ZRANB3: variants seen among roughly 807,000 people sequenced by gnomAD.
The protein encoded by ZRANB3 is DNA annealing helicase and endonuclease ZRANB3.
ZRANB3 carries 125 observed loss-of-function variants against 133.8 expected under a neutral mutation model. The ratio of observed to expected loss-of-function variants is 0.93; its 90% confidence interval spans 0.81 to 1.08. The LOEUF is 1.08. ZRANB3 is among the 50% of genes least tolerant of loss of function. ZRANB3 has a pLI of 0.00. For synonymous variants in ZRANB3, 387 were observed against 432.7 expected, an observed-to-expected ratio of 0.89 and a Z score of 1.31; for missense variants, 1,229 against 1,275.5, an observed-to-expected ratio of 0.96 and a Z score of 0.56.
chr2:135,315,327 AGT>A, intron 7 of ZRANB3, 30 bp downstream of exon 7: 2 of 1,459,308 alleles, frequency 1.4e-6, no homozygotes, highest in Non-Finnish European at 1.8e-6. Context: ...AATTATTTAA[AGT>A]AAGACTTTAA....
Position 135,207,480 on chromosome 2 carries a change from T to C in ZRANB3, c.2963A>G (p.Lys988Arg), listed in dbSNP as rs1693920168. Residue 988 changes from lysine to arginine, a missense_variant, in exon 19 of 21, where the codon AAG becomes AGG. Physicochemically the swap from Lys to Arg is conservative, Grantham distance 26. Coordinates refer to ENST00000264159, the MANE Select transcript of ZRANB3 (RefSeq NM_032143.4). ...AGTCCAGGTAGCATACAGAAGATTC[T>C]TCCTCTGACTTTTAGGGGCATCTCT... is the stretch of plus-strand genomic sequence containing the variant. ...RLRDAPKSQR[K>R]NLLYATWTSK... The C allele has an allele frequency of 1.2e-6, 2 of 1,613,772 alleles. No individual in the cohort carries two copies. Among genetic ancestry groups the C allele is most frequent in the Non-Finnish European group, 1.7e-6 (2 of 1,179,846 alleles).
Position 135,271,770 on chromosome 2 carries a change from G to A in ZRANB3, c.1204C>T (p.Gln402Ter). 1 of 1,609,204 alleles carries A rather than the reference G, an allele frequency of 6.2e-7. No individual in the cohort carries two copies. The highest frequency in any genetic ancestry group is 1.1e-5 in the South Asian group (1 of 89,532). ...VAILSIQAAGQGLTFTAASHV... is the reference protein window; with the variant it reads ...VAILSIQAAG ...AATTTAGACTTGAAATTTCTTACCTGGCCAGCAGCCTGAATGCTTAGGATA... is the reference window on the plus strand; with the variant it reads ...AATTTAGACTTGAAATTTCTTACCTAGCCAGCAGCCTGAATGCTTAGGATA... The change falls in exon 10 of 21, where the codon CAG (glutamine) becomes TAG (stop). Residue 402 changes from glutamine to a stop codon, truncating the protein, a stop_gained and splice_region_variant. Transcript: ENST00000264159. LOFTEE classifies it high-confidence loss of function.
At chr2:135,359,597 C>A (rs1421406643) in intron 3 of ZRANB3, among the ~76,000 whole-genome samples, 43 of 138,926 alleles carry the variant, frequency 3.1e-4, no homozygotes, top group South Asian at 7.0e-4. Flanking sequence ...AAAAAGGAAA[C>A]AAAGAAAAGA....
intron 3 of ZRANB3, among the ~76,000 whole-genome samples, chr2:135,361,306 A>G (rs981106456): frequency 2.0e-5 from 3 of 152,228 alleles, no homozygotes; most frequent in African/African-American, 7.2e-5. Flanking sequence ...AAACAATAGT[A>G]CAAATGTCCA....
chr2:135,361,884 C>G (rs181061850), intron 3 of ZRANB3, among the ~76,000 whole-genome samples: 6 of 152,212 alleles, frequency 3.9e-5, no homozygotes, highest in African/African-American at 1.4e-4. Flanking sequence ...AGATGGTACA[C>G]GTGATTATTT....
chr2:135,310,452 C>CAAAATAAAA (rs1321193090), intron 8 of ZRANB3, among the ~76,000 whole-genome samples: 5 of 151,646 alleles, frequency 3.3e-5, no homozygotes, highest in African/African-American at 1.2e-4. Context: ...AAATGACAAA[C>CAAAATAAAA]CAAAACAAAA....
intron 8 of ZRANB3, among the ~76,000 whole-genome samples, chr2:135,287,916 G>C (rs1681465472): frequency 6.6e-6 from 1 of 152,018 alleles, no homozygotes. Flanking sequence ...TGACATGGAT[G>C]CCCTTTATTT....
At chr2:135,338,554 C>T (rs1684474777) in intron 6 of ZRANB3, among the ~76,000 whole-genome samples, 1 of 152,226 alleles carries the variant, frequency 6.6e-6, no homozygotes, top group South Asian at 2.1e-4. Context: ...TCAAGACATC[C>T]AGGGAAAATC....
chr2:135,411,211 C>T (rs934878834), intron 2 of ZRANB3, among the ~76,000 whole-genome samples: 27 of 152,188 alleles, frequency 1.8e-4, no homozygotes, highest in Non-Finnish European at 3.8e-4. Flanking sequence ...GCACACCAAC[C>T]TGGGTGACAG....
chr2:135,313,686 CT>C (rs1481063918), intron 7 of ZRANB3, 81 bp from the exon 8 acceptor site: 11 of 814,086 alleles, frequency 1.4e-5, no homozygotes, highest in Non-Finnish European at 1.1e-5. Flanking sequence ...TCATGTCCTA[CT>C]TTTTTTCCTT....
chr2:135,401,031 C>T (rs1687708251), intron 2 of ZRANB3, among the ~76,000 whole-genome samples: 1 of 152,112 alleles, frequency 6.6e-6, no homozygotes. Flanking sequence ...TTAGTGGTCC[C>T]TTTTGCATTT....
intron 2 of ZRANB3, among the ~76,000 whole-genome samples, chr2:135,500,433 T>C (rs1299445672): frequency 6.6e-6 from 1 of 152,128 alleles, no homozygotes; most frequent in Non-Finnish European, 1.5e-5. Flanking sequence ...GGATTTTACA[T>C]GGCAATGAGA....
rs540175960 is a variant in ZRANB3, at chr2:135,454,532, T to A, written c.161+49797A>T. ...TAAAGCCTGGGCTTTTAGTCTACTA[T>A]ACACCCAAATAGTGTACACTCTACC... On this transcript the variant is annotated intron_variant, in intron 2 of 20. Coordinates refer to ENST00000264159, the MANE Select transcript of ZRANB3 (RefSeq NM_032143.4). Among the ~76,000 whole-genome samples the A allele has an allele frequency of 2.0e-5, 3 of 152,184 alleles. No homozygotes were observed. The East Asian group carries it at 5.8e-4, about 29-fold the overall frequency.
At chr2:135,203,074 TACATC>T in intron 19 of ZRANB3, 111 bp from the exon 20 acceptor site, 1 of 1,314,408 alleles carries the variant, frequency 7.6e-7, no homozygotes. Flanking sequence ...TGGGGAAAAA[TACATC>T]AGGAGAGCTT....
intron 2 of ZRANB3, among the ~76,000 whole-genome samples, chr2:135,465,790 A>C (rs112607291): frequency 0.068 from 10,334 of 152,258 alleles, 723 homozygotes; most frequent in African/African-American, 0.18. Context: ...GCCAATATCC[A>C]GAATCTACGA....
At position 135,316,983 on chromosome 2, in the gene ZRANB3, A is replaced by AAT. The variant is rs1553471635; in HGVS notation, c.678-1455_678-1454dup. Reference sequence around the variant, plus strand: ...CCGTCTCGAGAAAAAAAAAAAAAAAAATATATATATATATATATACTTGCA... The same window carrying AAT: ...CCGTCTCGAGAAAAAAAAAAAAAAAAATATATATATATATATATATACTTGCA... On this transcript the variant is annotated intron_variant, in intron 6 of 20. Transcript: ENST00000264159. Among the ~76,000 whole-genome samples the AAT allele has an allele frequency of 4.8e-3, 637 of 131,354 alleles. 4 individuals are homozygous for AAT. Among genetic ancestry groups the AAT allele is most frequent in the East Asian group, 7.7e-3 (36 of 4,646 alleles). 86.2% of individuals were successfully genotyped at this position (131,354 alleles called of 152,430 possible).
chr2:135,270,651 A>G (rs1680469971), intron 10 of ZRANB3, among the ~76,000 whole-genome samples: 1 of 152,194 alleles, frequency 6.6e-6, no homozygotes, highest in Admixed American at 6.5e-5. Flanking sequence ...TTAACTGAAC[A>G]TGAGGGAAGC....
chr2:135,275,061 C>G (rs1331388724), intron 9 of ZRANB3, among the ~76,000 whole-genome samples: 1 of 152,244 alleles, frequency 6.6e-6, no homozygotes, highest in Non-Finnish European at 1.5e-5. Flanking sequence ...ATTTCTCTAT[C>G]TTTTCCCCAC....
intron 3 of ZRANB3, among the ~76,000 whole-genome samples, chr2:135,358,296 C>CT (rs1197779325): frequency 6.6e-6 from 1 of 152,174 alleles, no homozygotes; most frequent in African/African-American, 2.4e-5. Context: ...TTCCTCCTCT[C>CT]TGAGATTTTT....
Sources: allele counts gnomAD v4.1 joint callset (sites outside exome capture counted in the v4.1 genomes callset), GRCh38; gene constraint gnomAD v4.1.1; transcripts MANE v1.5; gene names NCBI Gene and HGNC (gene_info 2026-07-23, HGNC 2026-07-21).